The following NUCB1 variants were observed in gnomAD, a reference collection of about 807,000 sequenced individuals.
NUCB1 encodes nucleobindin-1.
NUCB1 carries 47 observed loss-of-function variants against 61.2 expected under a neutral mutation model. That is an observed-to-expected ratio of 0.77 (90% CI 0.61 to 0.98). The LOEUF is 0.98. NUCB1 is among the 50% of genes least tolerant of loss of function. The pLI is 0.00. For missense variants in NUCB1, 583 were observed against 605.3 expected (o/e 0.96, Z 0.39); for synonymous variants, 234 against 243.1 (o/e 0.96, Z 0.35).
intron 4 of NUCB1, among the ~76,000 whole-genome samples, chr19:48,908,133 G>A (rs375225733): frequency 1.1e-4 from 17 of 152,158 alleles, no homozygotes; most frequent in African/African-American, 4.1e-4. Context: ...GAACTCTTTT[G>A]GTTGTTGTTG....
rs1600070770 is a variant in NUCB1, at chr19:48,921,909, A to G, written c.1256A>G (p.Gln419Arg). 1.2e-6 allele frequency: 2 copies of G among 1,607,780 alleles called. No homozygotes were observed. The highest frequency in any genetic ancestry group is 2.2e-5 in the East Asian group (1 of 44,518). Residue 419 changes from glutamine (Q) to arginine (R), a missense_variant, in exon 12 of 13, where the codon CAG becomes CGG. Physicochemically the swap from Gln to Arg is conservative, Grantham distance 43. Transcript: ENST00000405315. Reference sequence around the variant, plus strand: ...GCCCCGGCTGCCCACCCTGAGGGGCAGCTCAAGTTCCACCCAGACACAGGT... The same window carrying G: ...GCCCCGGCTGCCCACCCTGAGGGGCGGCTCAAGTTCCACCCAGACACAGGT... The part of the protein sequence containing the change: ...HKAPAAHPEG[Q>R]LKFHPDTDDV...
intron 2 of NUCB1, 119 bp downstream of exon 2, chr19:48,901,050 G>A: frequency 8.1e-7 from 1 of 1,240,768 alleles, no homozygotes; most frequent in South Asian, 1.3e-5. Flanking sequence ...GTTGTAGCTT[G>A]TTTTTTGCCC....
At chr19:48,908,170 G>A (rs537383270) in intron 4 of NUCB1, among the ~76,000 whole-genome samples, 5 of 152,054 alleles carry the variant, frequency 3.3e-5, no homozygotes, top group South Asian at 2.1e-4. Context: ...TCACTCTGTC[G>A]CCCAGGCTGG....
At chr19:48,916,510 C>T (rs2037541442) in intron 7 of NUCB1, among the ~76,000 whole-genome samples, 1 of 151,942 alleles carries the variant, frequency 6.6e-6, no homozygotes, top group Admixed American at 6.6e-5. Flanking sequence ...GTCCCAGCTC[C>T]TTGGGAGGCA....
chr19:48,912,158 G>A (rs2037481377), intron 5 of NUCB1, among the ~76,000 whole-genome samples: 1 of 151,558 alleles, frequency 6.6e-6, no homozygotes, highest in African/African-American at 2.4e-5. Flanking sequence ...CTGAGTAGCT[G>A]GGACCAGAGG....
chr19:48,914,795 AAT>A (rs1244286239), intron 7 of NUCB1, among the ~76,000 whole-genome samples: 5 of 151,336 alleles, frequency 3.3e-5, no homozygotes, highest in Non-Finnish European at 2.9e-5. Flanking sequence ...AAAAAAAAAA[AAT>A]AGACCAGGCG....
intron 7 of NUCB1, among the ~76,000 whole-genome samples, chr19:48,915,616 C>T (rs965360915): frequency 1.3e-5 from 2 of 152,170 alleles, no homozygotes. Flanking sequence ...TCCTCCCCCT[C>T]AGCCTCCCAA....
intron 7 of NUCB1, among the ~76,000 whole-genome samples, chr19:48,915,924 CA>C (rs1007159485): frequency 2.0e-5 from 3 of 152,012 alleles, no homozygotes; most frequent in Non-Finnish European, 4.4e-5. Context: ...GCTGAGACTG[CA>C]GGTGTGTGCC....
chr19:48,900,707 G>A, intron 1 of NUCB1, 79 bp from the exon 2 acceptor site: 2 of 1,528,690 alleles, frequency 1.3e-6, no homozygotes, highest in Non-Finnish European at 1.8e-6. Context: ...GCGGCGCTGG[G>A]GGCCCGAACT....
At chr19:48,911,117 C>A in intron 4 of NUCB1, 32 bp from the exon 5 acceptor site, 1 of 1,489,406 alleles carries the variant, frequency 6.7e-7, no homozygotes, top group Non-Finnish European at 9.4e-7. Flanking sequence ...AAGAACATGC[C>A]CTCAGGTGTT....
rs776945820 is a variant in NUCB1 at position 48,921,166 on chromosome 19, C to T, written c.1015C>T (p.His339Tyr). ...TGEGWETVEM[H>Y]PAYTEEELRR... ...GCCTGCCCTGCAGACAGTGGAGATG[C>T]ACCCTGCCTACACCGAGGAAGAGCT... Residue 339 changes from histidine (H) to tyrosine (Y), a missense_variant, in exon 11 of 13, where the codon CAC becomes TAC. His to Tyr is a moderately conservative substitution (Grantham distance 83). Coordinates refer to ENST00000405315, the MANE Select transcript of NUCB1 (RefSeq NM_006184.6). 6.2e-7 allele frequency: 1 copy of T among 1,608,476 alleles called. No individual in the cohort carries two copies. Among genetic ancestry groups the T allele is most frequent in the Non-Finnish European group, 8.5e-7 (1 of 1,176,552 alleles).
At chr19:48,911,303 G>C in intron 5 of NUCB1, 51 bp downstream of exon 5, 1 of 1,296,718 alleles carries the variant, frequency 7.7e-7, no homozygotes, top group South Asian at 1.2e-5. Context: ...TTTGCGGAAG[G>C]GGAGAAGGGG....
intron 2 of NUCB1, among the ~76,000 whole-genome samples, chr19:48,903,698 A>G (rs1302721611): frequency 1.3e-4 from 11 of 84,938 alleles, no homozygotes; most frequent in South Asian, 4.7e-4. Flanking sequence ...GGGTGGGTGG[A>G]TGGATGGATG....
Position 48,906,028 on chromosome 19 carries a change from C to A in NUCB1, c.376+143C>A. 5.5e-6 allele frequency: 4 copies of A among 722,126 alleles called. 1 individual carries two copies. Among genetic ancestry groups the A allele is most frequent in the Non-Finnish European group, 9.2e-6 (4 of 436,060 alleles). 44.7% of individuals were successfully genotyped at this position (722,126 alleles called of 1,614,324 possible). A position where few individuals can be genotyped will look rare whatever the true frequency, so the allele number is the denominator to read the frequency against. On this transcript the variant is annotated intron_variant, in intron 4 of 12. Transcript: ENST00000405315. ...GTGCTGAAATGTGCGTGGGAGATTG[C>A]CCCAGTGTTCCTCCCAGCATGATTT...
intron 5 of NUCB1, among the ~76,000 whole-genome samples, chr19:48,912,132 C>G (rs1342204737): frequency 6.6e-6 from 1 of 151,278 alleles, no homozygotes; most frequent in East Asian, 1.9e-4. Flanking sequence ...TCAAGCAATC[C>G]TCCCACCTGA....
At chr19:48,908,310 A>T (rs917227116) in intron 4 of NUCB1, among the ~76,000 whole-genome samples, 1 of 152,096 alleles carries the variant, frequency 6.6e-6, no homozygotes, top group Non-Finnish European at 1.5e-5. Context: ...TTGTATCTTT[A>T]GTAGAGACAG....
chr19:48,919,157 C>G lies in NUCB1; in HGVS notation c.909+35C>G, dbSNP rs573917038. The G allele has an allele frequency of 2.4e-5, 38 of 1,613,538 alleles. No individual in the cohort carries two copies. In the Middle Eastern group the frequency reaches 6.6e-4, roughly 28 times the overall value. ...GGGCCAGGCGGGGGAGAGGACGGGC[C>G]CCCAGCTCTGTCACTCACCCTTATC... On this transcript the variant is annotated intron_variant, in intron 9 of 12. Coordinates refer to ENST00000405315, the MANE Select transcript of NUCB1 (RefSeq NM_006184.6).
intron 12 of NUCB1, 48 bp downstream of exon 12, chr19:48,921,980 G>A: frequency 6.9e-7 from 1 of 1,450,592 alleles, no homozygotes; most frequent in Non-Finnish European, 9.4e-7. Flanking sequence ...TGGACCCCTG[G>A]GTCTGAGGTT....
intron 4 of NUCB1, among the ~76,000 whole-genome samples, chr19:48,908,191 C>T (rs567562228): frequency 1.3e-5 from 2 of 152,148 alleles, no homozygotes; most frequent in African/African-American, 4.8e-5. Flanking sequence ...AGTGCAGTGG[C>T]GCGATCTCGG....
Sources: gnomAD v4.1 joint callset for allele counts (sites outside exome capture counted in the v4.1 genomes callset) on GRCh38, gnomAD v4.1.1 for gene constraint, MANE v1.5 for transcripts, NCBI Gene and HGNC (gene_info 2026-07-23, HGNC 2026-07-21) for gene names.